Variants in EPHA4 observed in about 807,000 individuals in gnomAD.
EPHA4 encodes ephrin type-A receptor 4.
A neutral mutation model predicts 108.3 loss-of-function variants in EPHA4; 19 were observed. That is an observed-to-expected ratio of 0.18 (90% CI 0.12 to 0.26). The LOEUF (loss-of-function observed/expected upper bound fraction) is 0.26, where lower values mean the gene tolerates loss of function less well. EPHA4 is among the 10% of genes least tolerant of loss of function. The pLI, the probability that EPHA4 is intolerant of heterozygous loss-of-function variation, is 1.00. For missense variants in EPHA4, 917 were observed against 1,254.0 expected (o/e 0.73, Z 4.06); for synonymous variants, 449 against 455.5 (o/e 0.99, Z 0.18).
chr2:221,465,887 A>G (rs1017376013), intron 5 of EPHA4, among the ~76,000 whole-genome samples: 1 of 152,198 alleles, frequency 6.6e-6, no homozygotes, highest in African/African-American at 2.4e-5. Context: ...CTGGCAAAAA[A>G]GAGGTATTTG....
At chr2:221,528,419 C>T (rs1693408816) in intron 3 of EPHA4, among the ~76,000 whole-genome samples, 2 of 152,180 alleles carry the variant, frequency 1.3e-5, no homozygotes, top group African/African-American at 2.4e-5. Flanking sequence ...GCCAATTCAA[C>T]GTTTTCTCTG....
At chr2:221,527,100 G>C (rs907713309) in intron 3 of EPHA4, among the ~76,000 whole-genome samples, 7 of 152,148 alleles carry the variant, frequency 4.6e-5, no homozygotes, top group African/African-American at 1.4e-4. Context: ...CTCCATCCTG[G>C]GCAACAGAGT....
At chr2:221,427,887 T>G (rs1689959948) in intron 15 of EPHA4, among the ~76,000 whole-genome samples, 1 of 152,224 alleles carries the variant, frequency 6.6e-6, no homozygotes, top group South Asian at 2.1e-4. Context: ...TATAAATATT[T>G]TAACAAAGAT....
chr2:221,471,019 C>T (rs562331219), intron 5 of EPHA4, among the ~76,000 whole-genome samples: 1 of 151,958 alleles, frequency 6.6e-6, no homozygotes, highest in Admixed American at 6.6e-5. Context: ...AAACTAAGTT[C>T]TATGTGCTAG....
rs1274296300 is a variant in EPHA4, at chr2:221,561,587, C to A, written c.823+2144G>T. Among the ~76,000 whole-genome samples, 4 of 152,188 alleles carry A rather than the reference C, an allele frequency of 2.6e-5. No homozygotes were observed. In the East Asian group the frequency reaches 7.7e-4, roughly 29 times the overall value. ...GCTCGGAAGTGGACTAGATTTGAAACCCTAAATTCCTCCCCTTCGAGGACG... is the reference window on the plus strand; with the variant it reads ...GCTCGGAAGTGGACTAGATTTGAAAACCTAAATTCCTCCCCTTCGAGGACG... On this transcript the variant is annotated intron_variant, in intron 3 of 17. Transcript: ENST00000281821.
At chr2:221,570,058 C>G (rs934752782) in intron 1 of EPHA4, among the ~76,000 whole-genome samples, 4 of 151,942 alleles carry the variant, frequency 2.6e-5, no homozygotes, top group African/African-American at 9.7e-5. Context: ...GAGAAAAGCC[C>G]GCTACATCCA....
intron 3 of EPHA4, among the ~76,000 whole-genome samples, chr2:221,559,858 G>A (rs1045708202): frequency 6.6e-6 from 1 of 152,206 alleles, no homozygotes; most frequent in African/African-American, 2.4e-5. Context: ...TGGGTAAGTA[G>A]CTCATACACA....
At chr2:221,441,062 G>A (rs959313508) in intron 11 of EPHA4, among the ~76,000 whole-genome samples, 1 of 152,068 alleles carries the variant, frequency 6.6e-6, no homozygotes, top group Non-Finnish European at 1.5e-5. Flanking sequence ...TATGTTTGAG[G>A]ACCCCTGAAC....
rs923770257 is a variant in EPHA4 at position 221,508,462 on chromosome 2, C to A, written c.824-7290G>T. On this transcript the variant is annotated intron_variant, in intron 3 of 17. Transcript: ENST00000281821. ...GGAGGCATTGTGCATGCCTGTAGTT[C>A]CAGCTATTCTGGAGGCTGAGGCAGG... is the stretch of plus-strand genomic sequence containing the variant. Among the ~76,000 whole-genome samples, 9 of 152,074 alleles carry A rather than the reference C, an allele frequency of 5.9e-5. No individual in the cohort carries two copies. The East Asian group carries it at 1.7e-3, about 29-fold the overall frequency.
intron 2 of EPHA4, among the ~76,000 whole-genome samples, chr2:221,566,875 A>G (rs1245095702): frequency 9.0e-5 from 2 of 22,260 alleles, no homozygotes; most frequent in African/African-American, 5.9e-4. Flanking sequence ...GAAGAAGAAG[A>G]AGGAGAAGGA....
At chr2:221,568,849 A>G (rs1694746205) in intron 1 of EPHA4, 64 bp from the exon 2 acceptor site, 2 of 1,429,956 alleles carry the variant, frequency 1.4e-6, no homozygotes, top group Admixed American at 3.7e-5. Context: ...CACAAAAACC[A>G]TTTGCCTGAG....
chr2:221,534,976 C>A (rs1346497730), intron 3 of EPHA4, among the ~76,000 whole-genome samples: 1 of 152,244 alleles, frequency 6.6e-6, no homozygotes, highest in African/African-American at 2.4e-5. Context: ...CTGGGATTAA[C>A]TTCATCGGCA....
intron 11 of EPHA4, among the ~76,000 whole-genome samples, chr2:221,441,980 G>T (rs1690442581): frequency 6.6e-6 from 1 of 152,128 alleles, no homozygotes; most frequent in South Asian, 2.1e-4. Flanking sequence ...CACTGGGGTG[G>T]CTATATTGCC....
At position 221,443,028 on chromosome 2, in the gene EPHA4, A is replaced by G. The variant is rs938380437; in HGVS notation, c.1889-14T>C. On this transcript the variant is annotated splice_polypyrimidine_tract_variant and intron_variant, in intron 10 of 17. Coordinates refer to ENST00000281821, the MANE Select transcript of EPHA4 (RefSeq NM_004438.5). ...CACCAAATTCACCTTTGAGAGAGAAAAAGAATCTACGATGGACCAGAAACA... is the reference window on the plus strand; with the variant it reads ...CACCAAATTCACCTTTGAGAGAGAAGAAGAATCTACGATGGACCAGAAACA... The G allele has an allele frequency of 6.2e-7, 1 of 1,611,232 alleles. No homozygotes were observed. The highest frequency in any genetic ancestry group is 1.3e-5 in the African/African-American group (1 of 74,686).
chr2:221,426,520 A>G lies in EPHA4; in HGVS notation c.2790T>C (p.Asp930=). The change falls in exon 16 of 18, where the codon GAT becomes GAC. Residue 930 remains aspartate (D), a synonymous_variant. Transcript: ENST00000281821. ...TGGTATAACCAGCAGCTGTGAAGTT[A>G]TCCTTATACCGGTCCATTTTAATGG... ...LQAIKMDRYK[D]NFTAAGYTTL... The G allele has an allele frequency of 1.2e-6, 2 of 1,614,088 alleles. No individual in the cohort carries two copies. Among genetic ancestry groups the G allele is most frequent in the Non-Finnish European group, 1.7e-6 (2 of 1,180,000 alleles).
Position 221,518,654 on chromosome 2 carries a change from A to T in EPHA4, c.824-17482T>A, listed in dbSNP as rs1693062205. ...CTGTGAACCAAGCTGTACGAAGATC[A>T]TTTCAGATTTACTTTTCTTTTTCTG... On this transcript the variant is annotated intron_variant, in intron 3 of 17. Coordinates refer to ENST00000281821, the MANE Select transcript of EPHA4 (RefSeq NM_004438.5). Among the ~76,000 whole-genome samples, 3 of 152,218 alleles carry T rather than the reference A, an allele frequency of 2.0e-5. No individual in the cohort carries two copies. In the South Asian group the frequency reaches 6.2e-4, roughly 32 times the overall value.
intron 3 of EPHA4, among the ~76,000 whole-genome samples, chr2:221,546,092 G>A (rs1403778326): frequency 6.6e-6 from 1 of 152,116 alleles, no homozygotes; most frequent in Non-Finnish European, 1.5e-5. Flanking sequence ...GTGAACTCTT[G>A]CAAAGCAACA....
At chr2:221,423,419 G>A (rs1337243122) in intron 17 of EPHA4, among the ~76,000 whole-genome samples, 1 of 152,198 alleles carries the variant, frequency 6.6e-6, no homozygotes, top group African/African-American at 2.4e-5. Context: ...AGGTAGTGGA[G>A]AGAGTTAACA....
chr2:221,564,010 A>G lies in EPHA4; in HGVS notation c.544T>C (p.Tyr182His), dbSNP rs774222133. 3 of 1,613,886 alleles carry G rather than the reference A, an allele frequency of 1.9e-6. No individual in the cohort carries two copies. The East Asian group carries it at 6.7e-5, about 36-fold the overall frequency. The change falls in exon 3 of 18, where the codon TAC becomes CAC. Residue 182 changes from tyrosine (Y) to histidine (H), a missense_variant. This residue lies in a region of EPHA4 where 758 missense variants were observed against 1,076.7 expected (regional missense o/e 0.70). Transcript: ENST00000281821. ...DVGPLSKKGF[Y>H]LAFQDVGACI... ...GCCCCCACATCCTGAAAAGCCAGGT[A>G]AAACCCCTTTTTGCTTAATGGCCCT... is the stretch of plus-strand genomic sequence containing the variant.
Sources: gnomAD v4.1 joint callset for allele counts (sites outside exome capture counted in the v4.1 genomes callset) on GRCh38, gnomAD v4.1.1 for gene constraint, gnomAD v4.1.1 regional missense constraint, MANE v1.5 for transcripts, NCBI Gene and HGNC (gene_info 2026-07-23, HGNC 2026-07-21) for gene names.